TASP1: variants seen among roughly 807,000 people sequenced by gnomAD.
TASP1 encodes threonine aspartase 1.
In TASP1, 16 loss-of-function variants were observed where a neutral mutation model predicts 56.6. The ratio of observed to expected loss-of-function variants is 0.28; its 90% confidence interval spans 0.19 to 0.43. The LOEUF is 0.43. Ranked by LOEUF, TASP1 falls within the 20% of genes least tolerant of loss-of-function variation. The probability of loss-of-function intolerance (pLI) is 1.00; values close to 1 mark genes in which losing one functional copy is unlikely to be tolerated. For missense variants in TASP1, 393 were observed against 511.6 expected (o/e 0.77, Z 2.24); for synonymous variants, 179 against 184.2 (o/e 0.97, Z 0.23).
At chr20:13,499,923 T>C (rs1211944476) in intron 10 of TASP1, among the ~76,000 whole-genome samples, 1 of 151,986 alleles carries the variant, frequency 6.6e-6, no homozygotes, top group African/African-American at 2.4e-5. Flanking sequence ...ATGGGAGCTA[T>C]ACAATGAGTA....
intron 11 of TASP1, among the ~76,000 whole-genome samples, chr20:13,469,754 T>C (rs2044403017): frequency 6.7e-6 from 1 of 149,562 alleles, no homozygotes; most frequent in South Asian, 2.1e-4. Flanking sequence ...GACGAACTAT[T>C]TATTTTCAAA....
intron 10 of TASP1, among the ~76,000 whole-genome samples, chr20:13,498,670 A>G (rs976522050): frequency 6.6e-6 from 1 of 150,716 alleles, no homozygotes; most frequent in Non-Finnish European, 1.5e-5. Context: ...AAAAGAAGAC[A>G]TACAAATGGC....
chr20:13,518,704 T>C (rs529843042), intron 10 of TASP1, among the ~76,000 whole-genome samples: 34 of 152,148 alleles, frequency 2.2e-4, no homozygotes, highest in Admixed American at 2.2e-3. Context: ...CATTCACACA[T>C]CAACGAACAA....
the TASP1 span, among the ~76,000 whole-genome samples, chr20:13,273,214 T>TA: frequency 2.0e-5 from 3 of 148,392 alleles, no homozygotes; most frequent in Non-Finnish European, 3.0e-5. Flanking sequence ...CACTTGGGTC[T>TA]TTTTTATTTT....
the TASP1 span, among the ~76,000 whole-genome samples, chr20:13,272,507 C>G: frequency 6.6e-6 from 1 of 152,216 alleles, no homozygotes; most frequent in African/African-American, 2.4e-5. Context: ...AGGAAAAGCA[C>G]TGTGTCCCAA....
the TASP1 span, among the ~76,000 whole-genome samples, chr20:13,181,557 A>G: frequency 6.6e-6 from 1 of 152,210 alleles, no homozygotes; most frequent in Non-Finnish European, 1.5e-5. Context: ...TCTCTAAGGA[A>G]CCAAATATTG....
intron 4 of TASP1, among the ~76,000 whole-genome samples, chr20:13,615,458 AAG>A (rs1374374360): frequency 6.6e-5 from 10 of 152,078 alleles, no homozygotes; most frequent in Admixed American, 5.2e-4. Flanking sequence ...ACATGAAAGA[AAG>A]AGAGAGAGGA....
the TASP1 span, among the ~76,000 whole-genome samples, chr20:13,248,307 A>G: frequency 6.6e-6 from 1 of 152,208 alleles, no homozygotes; most frequent in African/African-American, 2.4e-5. Context: ...CAAAAAGCTG[A>G]GTATGAACTG....
the TASP1 span, among the ~76,000 whole-genome samples, chr20:13,348,473 GA>G: frequency 1.3e-5 from 2 of 152,186 alleles, no homozygotes; most frequent in African/African-American, 4.8e-5. Flanking sequence ...GATTGGATTT[GA>G]TAGAGTCTAC....
the TASP1 span, among the ~76,000 whole-genome samples, chr20:13,266,021 G>A: frequency 6.6e-6 from 1 of 152,166 alleles, no homozygotes; most frequent in Admixed American, 6.5e-5. Context: ...GGACAAAGTG[G>A]AAGAGAGAAA....
the TASP1 span, among the ~76,000 whole-genome samples, chr20:13,339,644 A>C: frequency 0.27 from 40,734 of 152,004 alleles, 8,653 homozygotes; most frequent in African/African-American, 0.59. Flanking sequence ...CACCAATAAT[A>C]CAAAAAGTGA....
intron 10 of TASP1, among the ~76,000 whole-genome samples, chr20:13,520,598 C>G (rs890091745): frequency 6.6e-5 from 10 of 152,296 alleles, no homozygotes; most frequent in Admixed American, 3.3e-4. Flanking sequence ...GGATCCCTTC[C>G]TTACACCTTA....
chr20:13,437,738 A>G (rs1353607007), intron 11 of TASP1, among the ~76,000 whole-genome samples: 1 of 152,244 alleles, frequency 6.6e-6, no homozygotes, highest in Non-Finnish European at 1.5e-5. Flanking sequence ...GAGCCAAATC[A>G]TGAGTGAACT....
the TASP1 span, among the ~76,000 whole-genome samples, chr20:13,222,690 A>G: frequency 6.6e-6 from 1 of 152,242 alleles, no homozygotes; most frequent in African/African-American, 2.4e-5. Flanking sequence ...GAGAGGGCGT[A>G]GTGGACGGTC....
At chr20:13,119,898 G>T in the TASP1 span, among the ~76,000 whole-genome samples, 1 of 152,220 alleles carries the variant, frequency 6.6e-6, no homozygotes, top group Non-Finnish European at 1.5e-5. Flanking sequence ...TGTGTGGAAT[G>T]ATTTTGGTCA....
chr20:13,168,861 T>C, the TASP1 span: 1 of 152,222 alleles, frequency 6.6e-6, no homozygotes, highest in South Asian at 2.1e-4. Context: ...TGCATAATGT[T>C]TAGAAAATTA....
intron 7 of TASP1, among the ~76,000 whole-genome samples, chr20:13,563,456 C>A (rs574617910): frequency 6.6e-6 from 1 of 152,104 alleles, no homozygotes; most frequent in Non-Finnish European, 1.5e-5. Context: ...CATACAAAGA[C>A]ACCATAAGAA....
chr20:13,509,848 AAAC>A (rs1466120926), intron 10 of TASP1, among the ~76,000 whole-genome samples: 1 of 152,098 alleles, frequency 6.6e-6, no homozygotes, highest in African/African-American at 2.4e-5. Flanking sequence ...GGCTGGTCTC[AAAC>A]TCCTGACCTT....
chr20:13,294,836 T>C, the TASP1 span, among the ~76,000 whole-genome samples: 1 of 152,172 alleles, frequency 6.6e-6, no homozygotes. Context: ...GTGCTATTTT[T>C]ATGCCCAAAT....
Sources: allele counts gnomAD v4.1 joint callset (sites outside exome capture counted in the v4.1 genomes callset), GRCh38; gene constraint gnomAD v4.1.1; transcripts MANE v1.5; gene names NCBI Gene and HGNC (gene_info 2026-07-23, HGNC 2026-07-21).